The following MAGI2 variants were observed in gnomAD, a reference collection of about 807,000 sequenced individuals.
MAGI2 encodes the protein membrane-associated guanylate kinase, WW and PDZ domain-containing protein 2.
A neutral mutation model predicts 133.3 loss-of-function variants in MAGI2; 35 were observed. That is an observed-to-expected ratio of 0.26 (90% confidence interval 0.20 to 0.35). The LOEUF (loss-of-function observed/expected upper bound fraction) is 0.35, where lower values mean the gene tolerates loss of function less well. Ranked by LOEUF, MAGI2 falls within the 10% of genes least tolerant of loss-of-function variation. The pLI, the probability that MAGI2 is intolerant of heterozygous loss-of-function variation, is 1.00. For synonymous variants in MAGI2, 729 were observed against 710.6 expected, an observed-to-expected ratio of 1.03 and a Z score of -0.41; for missense variants, 1,636 against 1,863.4, an observed-to-expected ratio of 0.88 and a Z score of 2.25.
chr7:78,618,796 T>C, intron 3 of MAGI2: 1 of 151,650 alleles, frequency 6.6e-6, no homozygotes, highest in Non-Finnish European at 1.5e-5. Flanking sequence ...ATGATTTCAC[T>C]TACATCTGGA....
At chr7:79,191,209 G>A (rs1388468155) in intron 1 of MAGI2, among the ~76,000 whole-genome samples, 2 of 151,248 alleles carry the variant, frequency 1.3e-5, no homozygotes, top group African/African-American at 4.9e-5. Flanking sequence ...ACTTTCCCAT[G>A]TATATCCCAT....
intron 21 of MAGI2, among the ~76,000 whole-genome samples, chr7:78,066,977 A>G (rs1484547334): frequency 2.0e-5 from 3 of 152,316 alleles, no homozygotes; most frequent in East Asian, 3.9e-4. Context: ...TGCACTCCAC[A>G]TCAATTTTGG....
At chr7:78,959,851 C>T (rs1398614398) in intron 2 of MAGI2, among the ~76,000 whole-genome samples, 3 of 152,060 alleles carry the variant, frequency 2.0e-5, no homozygotes, top group Non-Finnish European at 4.4e-5. Flanking sequence ...GTGAGCCATT[C>T]CAAGGTTTCT....
intron 2 of MAGI2, among the ~76,000 whole-genome samples, chr7:78,655,296 G>A (rs1201540466): frequency 6.6e-6 from 1 of 151,690 alleles, no homozygotes; most frequent in African/African-American, 2.4e-5. Flanking sequence ...CCTCCAATAT[G>A]ATCTACCTCA....
intron 2 of MAGI2, among the ~76,000 whole-genome samples, chr7:78,709,259 G>A (rs919870366): frequency 7.2e-6 from 1 of 139,366 alleles, no homozygotes; most frequent in Non-Finnish European, 1.7e-5. Context: ...AGGCCTCCCT[G>A]TCCCCACCTG....
chr7:78,650,525 GA>G (rs1197504155), intron 2 of MAGI2, among the ~76,000 whole-genome samples: 1 of 152,174 alleles, frequency 6.6e-6, no homozygotes, highest in Non-Finnish European at 1.5e-5. Flanking sequence ...AAAAGGTCAG[GA>G]GATTTAACTT....
intron 2 of MAGI2, among the ~76,000 whole-genome samples, chr7:78,927,397 G>A (rs891158126): frequency 1.3e-5 from 2 of 151,954 alleles, no homozygotes; most frequent in African/African-American, 2.4e-5. Flanking sequence ...ATTATGAATA[G>A]CTGGTTCAAG....
At chr7:78,081,015 A>G (rs1187578289) in intron 20 of MAGI2, among the ~76,000 whole-genome samples, 1 of 152,198 alleles carries the variant, frequency 6.6e-6, no homozygotes, top group Non-Finnish European at 1.5e-5. Context: ...AAAGCTTGCC[A>G]AATGTGTCAT....
At chr7:78,259,775 C>T (rs953311436) in intron 9 of MAGI2, among the ~76,000 whole-genome samples, 3 of 152,178 alleles carry the variant, frequency 2.0e-5, no homozygotes, top group African/African-American at 7.2e-5. Context: ...GCCAGAATTT[C>T]ACGGGAAAGA....
At chr7:78,696,185 G>T (rs956191790) in intron 2 of MAGI2, among the ~76,000 whole-genome samples, 3 of 152,106 alleles carry the variant, frequency 2.0e-5, no homozygotes, top group Non-Finnish European at 4.4e-5. Flanking sequence ...AGATCCTCCT[G>T]CCTCAGCTTC....
At chr7:78,287,313 G>A (rs1796239989) in intron 9 of MAGI2, among the ~76,000 whole-genome samples, 2 of 152,162 alleles carry the variant, frequency 1.3e-5, no homozygotes. Context: ...CTAGTGTTAA[G>A]GTTCTAGCTT....
chr7:78,116,986 C>A (rs895946155), intron 20 of MAGI2, among the ~76,000 whole-genome samples: 5 of 151,034 alleles, frequency 3.3e-5, no homozygotes, highest in Admixed American at 6.6e-5. Flanking sequence ...ACTTAAAAAG[C>A]AATAGAAAAT....
chr7:78,725,599 C>A (rs1419280432), intron 2 of MAGI2, among the ~76,000 whole-genome samples: 1 of 152,154 alleles, frequency 6.6e-6, no homozygotes, highest in African/African-American at 2.4e-5. Context: ...GAGATAGAGA[C>A]CATCCTGGCT....
Position 79,324,436 on chromosome 7 carries a change from TAACC to T in MAGI2, c.301+128580_301+128583del, listed in dbSNP as rs778552213. ...GTATCTATCTATAACCATATATATATAACCATATATATATGGTTATAGATAGATA... is the reference window on the plus strand; with the variant it reads ...GTATCTATCTATAACCATATATATATATATATATATGGTTATAGATAGATA... On this transcript the variant is annotated intron_variant, in intron 1 of 21. Coordinates refer to ENST00000354212, the MANE Select transcript of MAGI2 (RefSeq NM_012301.4). Among the ~76,000 whole-genome samples the T allele has an allele frequency of 8.0e-3, 578 of 72,088 alleles. 9 individuals carry two copies. The highest frequency in any genetic ancestry group is 0.019 in the Middle Eastern group (2 of 108). The allele number at this position is 72,088 out of a possible 152,430, so 47.3% of individuals were successfully genotyped here.
At chr7:79,376,367 C>T (rs2129138567) in intron 1 of MAGI2, among the ~76,000 whole-genome samples, 1 of 151,956 alleles carries the variant, frequency 6.6e-6, no homozygotes, top group East Asian at 1.9e-4. Context: ...TTCTACTGTA[C>T]CCAACCTTCT....
At position 78,687,969 on chromosome 7, in the gene MAGI2, T is replaced by TAAAAAAAAAAAAAAAAAAAAAAAAAA. The variant is rs72030909; in HGVS notation, c.419-60756_419-60731dup. On this transcript the variant is annotated intron_variant, in intron 2 of 21. Transcript: ENST00000354212. The stretch of plus-strand genomic sequence containing the variant: ...TGGGCAAGAGAGTGAGTCCTTGCCT[T>TAAAAAAAAAAAAAAAAAAAAAAAAAA]AAAAAAAAAAAAAAAAAAAAAAAAA... 3.7e-4 allele frequency among the ~76,000 whole-genome samples: 25 copies of TAAAAAAAAAAAAAAAAAAAAAAAAAA among 67,244 alleles called. 1 individual carries two copies. The highest frequency in any genetic ancestry group is 1.2e-3 in the East Asian group (2 of 1,610). The allele number at this position is 67,244 out of a possible 152,430, so 44.1% of individuals were successfully genotyped here.
intron 2 of MAGI2, among the ~76,000 whole-genome samples, chr7:78,832,432 G>A (rs1374727143): frequency 6.6e-6 from 1 of 152,124 alleles, no homozygotes; most frequent in African/African-American, 2.4e-5. Context: ...GTGACAAAAT[G>A]CATGAAAATA....
intron 2 of MAGI2, among the ~76,000 whole-genome samples, chr7:78,900,134 C>T (rs1272099899): frequency 1.3e-5 from 2 of 152,146 alleles, no homozygotes; most frequent in Non-Finnish European, 2.9e-5. Context: ...ATCCTCATTT[C>T]CACCAAGTTC....
chr7:78,674,612 C>T (rs550163743), intron 2 of MAGI2, among the ~76,000 whole-genome samples: 8 of 152,038 alleles, frequency 5.3e-5, no homozygotes, highest in Admixed American at 1.3e-4. Flanking sequence ...TTTTGTTTCA[C>T]CTTTGTTATT....
Sources: allele counts gnomAD v4.1 joint callset (sites outside exome capture counted in the v4.1 genomes callset), GRCh38; gene constraint gnomAD v4.1.1; transcripts MANE v1.5; gene names NCBI Gene and HGNC (gene_info 2026-07-23, HGNC 2026-07-21).